The following MASP1 variants were observed in gnomAD, a reference collection of about 807,000 sequenced individuals.
MASP1 encodes the protein MBL associated serine protease 1, also known as mannan-binding lectin serine protease 1.
Under a neutral mutation model 77.1 loss-of-function variants are expected in MASP1, and 59 were observed. That is an observed-to-expected ratio of 0.77 (90% confidence interval 0.62 to 0.95). MASP1 has a LOEUF of 0.95. MASP1 is among the 40% of genes least tolerant of loss of function. MASP1 has a pLI of 0.00. For synonymous variants in MASP1, 362 were observed against 354.5 expected (o/e 1.02, Z -0.24); for missense variants, 885 against 912.9 (o/e 0.97, Z 0.39).
chr3:187,236,176 CA>C lies in MASP1; in HGVS notation c.1694del (p.Leu565ArgfsTer36), dbSNP rs780445343. The C allele has an allele frequency of 6.2e-7, 1 of 1,614,100 alleles. No homozygotes were observed. The highest frequency in any genetic ancestry group is 8.5e-7 in the Non-Finnish European group (1 of 1,180,046). The part of the protein sequence containing the change: ...ALVQLQEPVP[L>X]GPHVMPVCLP... ...GGCAGACAGGCATAACGTGGGGTCC[CA>C]GGGGCACAGGCTCCTGCAGCTGCAC... On this transcript the variant is annotated frameshift_variant, in exon 11 of 11. Coordinates refer to ENST00000296280, the MANE Select transcript of MASP1 (RefSeq NM_139125.4). LOFTEE classifies it high-confidence loss of function.
chr3:187,287,198 G>A (rs1223479683), intron 1 of MASP1, among the ~76,000 whole-genome samples: 1 of 152,174 alleles, frequency 6.6e-6, no homozygotes, highest in Non-Finnish European at 1.5e-5. Context: ...TCCTGGGATG[G>A]CTGTTGAGGC....
downstream of MASP1, chr3:187,229,664 C>T: frequency 1.3e-6 from 2 of 1,491,202 alleles, no homozygotes; most frequent in Non-Finnish European, 1.8e-6. Context: ...TGCCCTGATG[C>T]TAGTGTGCAC....
At chr3:187,284,023 G>T (rs569538677) in intron 2 of MASP1, among the ~76,000 whole-genome samples, 1 of 152,166 alleles carries the variant, frequency 6.6e-6, no homozygotes, top group African/African-American at 2.4e-5. Flanking sequence ...AGACCCCCCT[G>T]GTTGATCCTT....
chr3:187,246,756 A>G, intron 8 of MASP1: 1 of 973,182 alleles, frequency 1.0e-6, no homozygotes, highest in Non-Finnish European at 1.2e-6. Context: ...TAATGATGAC[A>G]TTTCAGCCCT....
intron 2 of MASP1, among the ~76,000 whole-genome samples, chr3:187,279,566 G>T (rs1161194292): frequency 6.6e-6 from 1 of 152,212 alleles, no homozygotes; most frequent in Non-Finnish European, 1.5e-5. Context: ...GATTTGGGGA[G>T]CACATGCTTA....
intron 8 of MASP1, among the ~76,000 whole-genome samples, chr3:187,249,587 A>G (rs984242252): frequency 1.3e-5 from 2 of 152,256 alleles, no homozygotes; most frequent in Non-Finnish European, 2.9e-5. Context: ...TACAAAGCTC[A>G]GTAGATGATT....
chr3:187,244,853 T>G (rs1197047227), intron 8 of MASP1: 1 of 152,234 alleles, frequency 6.6e-6, no homozygotes, highest in African/African-American at 2.4e-5. Flanking sequence ...CCTGGTCATT[T>G]TGGGAAACAG....
exon 16 of MASP1, chr3:187,219,857 G>A: frequency 3.4e-6 from 2 of 596,674 alleles, no homozygotes; most frequent in Non-Finnish European, 6.1e-6. Context: ...AAGTGATAGA[G>A]CCTGGATTCG....
At chr3:187,253,487 A>G (rs879319122) in intron 5 of MASP1, among the ~76,000 whole-genome samples, 172 bp from the exon 6 acceptor site, 1 of 152,144 alleles carries the variant, frequency 6.6e-6, no homozygotes, top group Admixed American at 6.5e-5. Context: ...AAATGGTTTC[A>G]TCTTCATTCT....
chr3:187,273,976 G>A (rs547908311), intron 2 of MASP1, among the ~76,000 whole-genome samples: 45 of 152,286 alleles, frequency 3.0e-4, no homozygotes, highest in African/African-American at 9.4e-4. Flanking sequence ...TTGGGAGGCC[G>A]AGGTGGGTAA....
chr3:187,284,335 A>G lies in MASP1; in HGVS notation c.237+1490T>C, dbSNP rs527468494. 3.3e-5 allele frequency among the ~76,000 whole-genome samples: 5 copies of G among 152,284 alleles called. No individual in the cohort carries two copies. In the South Asian group the frequency reaches 1.0e-3, roughly 32 times the overall value. Reference sequence around the variant, plus strand: ...CATTGAACAACATCTGGACACATTTATGATTGCCATAACTGGTGGGGCCGG... The same window carrying G: ...CATTGAACAACATCTGGACACATTTGTGATTGCCATAACTGGTGGGGCCGG... On this transcript the variant is annotated intron_variant, in intron 2 of 10. Transcript: ENST00000296280.
intron 3 of MASP1, 38 bp downstream of exon 3, chr3:187,262,505 A>G (rs1312920248): frequency 6.2e-7 from 1 of 1,608,080 alleles, no homozygotes; most frequent in Non-Finnish European, 8.5e-7. Flanking sequence ...TCGGAGAGAG[A>G]GAGAGAGACC....
intron 2 of MASP1, among the ~76,000 whole-genome samples, chr3:187,281,423 T>C (rs140376065): frequency 7.6e-4 from 116 of 152,336 alleles, no homozygotes; most frequent in African/African-American, 2.7e-3. Context: ...TACTCCTATG[T>C]AGGCCTGTGA....
chr3:187,231,805 A>T (rs578227396), downstream of MASP1, among the ~76,000 whole-genome samples: 1 of 152,380 alleles, frequency 6.6e-6, no homozygotes, highest in African/African-American at 2.4e-5. Context: ...TCATAGTAAG[A>T]ATAAAAAATT....
At position 187,220,598 on chromosome 3, in the gene MASP1, A is replaced by G. The variant is rs182082364; in HGVS notation, c.1910-337T>C. On this transcript the variant is annotated intron_variant, in intron 15 of 15. Coordinates refer to the MASP1 transcript ENST00000337774. ...CAGCAACCTCTACCTCCTGGGTTCA[A>G]GTGATTCTCCCTCCTCAGCCTCCCG... Among the ~76,000 whole-genome samples the G allele has an allele frequency of 7.3e-3, 1,094 of 150,610 alleles. 10 individuals carry two copies. Among genetic ancestry groups the G allele is most frequent in the Non-Finnish European group, 0.011 (728 of 67,830 alleles).
In MASP1 at chr3:187,291,690, T is replaced by C. The variant is rs770945962; in HGVS notation, c.-58A>G. The C allele has an allele frequency of 1.2e-6, 2 of 1,610,090 alleles. No homozygotes were observed. ...CTTGGTCCTCCCAGCTTGACTTGCC[T>C]GTGAGCTCGTGCCCGGTGTGGTGTC... On this transcript the variant is annotated 5_prime_UTR_variant, in exon 1 of 11. Coordinates refer to ENST00000296280, the MANE Select transcript of MASP1 (RefSeq NM_139125.4).
chr3:187,221,801 A>T (rs75018025), intron 14 of MASP1, among the ~76,000 whole-genome samples: 2,697 of 152,324 alleles, frequency 0.018, 98 homozygotes, highest in African/African-American at 0.062. Flanking sequence ...CTTGGAGCTT[A>T]GTAGATACCC....
At chr3:187,243,162 G>A (rs1032176177) in intron 9 of MASP1, 9 of 360,760 alleles carry the variant, frequency 2.5e-5, no homozygotes, top group South Asian at 9.9e-5. Context: ...TTAGGGTCTC[G>A]TTTCTTCTCT....
At chr3:187,222,680 G>GTT (rs60117293) in intron 14 of MASP1, among the ~76,000 whole-genome samples, 11,774 of 139,926 alleles carry the variant, frequency 0.084, 699 homozygotes, top group East Asian at 0.21. Flanking sequence ...TTAGTTAAGT[G>GTT]TTTTTTTTTT....
Sources: gnomAD v4.1 joint callset for allele counts (sites outside exome capture counted in the v4.1 genomes callset) on GRCh38, gnomAD v4.1.1 for gene constraint, MANE v1.5 for transcripts, NCBI Gene and HGNC (gene_info 2026-07-23, HGNC 2026-07-21) for gene names.